The following CNTN5 variants were observed in gnomAD, a reference collection of about 807,000 sequenced individuals.
The protein encoded by CNTN5 is contactin 5.
Under a neutral mutation model 129.1 loss-of-function variants are expected in CNTN5, and 77 were observed. The ratio of observed to expected loss-of-function variants is 0.60; its 90% CI spans 0.50 to 0.72. The LOEUF (loss-of-function observed/expected upper bound fraction) is 0.72. Among genes scored for constraint, CNTN5 ranks in the 30% least tolerant of loss-of-function variants. The pLI is 0.00. For synonymous variants in CNTN5, 509 were observed against 465.6 expected, an observed-to-expected ratio of 1.09 and a Z score of -1.20; for missense variants, 1,478 against 1,328.8, an observed-to-expected ratio of 1.11 and a Z score of -1.75.
chr11:100,257,710 A>C (rs2138733934), intron 17 of CNTN5, among the ~76,000 whole-genome samples: 1 of 152,316 alleles, frequency 6.6e-6, no homozygotes, highest in Admixed American at 6.5e-5. Context: ...GACTATTAGA[A>C]GGAAAACTAA....
At chr11:99,350,637 T>C (rs1261261851) in intron 2 of CNTN5, among the ~76,000 whole-genome samples, 1 of 152,152 alleles carries the variant, frequency 6.6e-6, no homozygotes, top group Non-Finnish European at 1.5e-5. Flanking sequence ...AGGAACAAAC[T>C]ACTGATCATG....
intron 12 of CNTN5, among the ~76,000 whole-genome samples, chr11:100,073,770 C>CT (rs1944020821): frequency 6.6e-6 from 1 of 151,988 alleles, no homozygotes; most frequent in African/African-American, 2.4e-5. Context: ...ACAGGATTGT[C>CT]TTTTTCGCAG....
intron 13 of CNTN5, among the ~76,000 whole-genome samples, chr11:100,184,100 A>G (rs1437997387): frequency 6.6e-6 from 1 of 152,176 alleles, no homozygotes; most frequent in Non-Finnish European, 1.5e-5. Flanking sequence ...CTACTTCCGT[A>G]AATAGCTCAG....
intron 3 of CNTN5, among the ~76,000 whole-genome samples, chr11:99,807,909 A>T (rs554056770): frequency 1.3e-5 from 2 of 152,252 alleles, no homozygotes; most frequent in East Asian, 3.9e-4. Flanking sequence ...AATATTTAAA[A>T]CTAGAATTCA....
chr11:99,125,328 A>G (rs902340995), intron 1 of CNTN5, among the ~76,000 whole-genome samples: 9 of 143,084 alleles, frequency 6.3e-5, no homozygotes, highest in African/African-American at 2.3e-4. Flanking sequence ...AATGTCATTC[A>G]TCACATCAAC....
chr11:100,127,095 ATTTTTTTTTTTTT>A (rs5794039), intron 13 of CNTN5, among the ~76,000 whole-genome samples: 1 of 85,610 alleles, frequency 1.2e-5, no homozygotes, highest in Non-Finnish European at 2.2e-5. Context: ...TGCGCAGCTA[ATTTTTTTTTTTTT>A]TTTTTTTTTT....
chr11:99,795,509 G>A (rs945884305), intron 3 of CNTN5, among the ~76,000 whole-genome samples: 4 of 152,070 alleles, frequency 2.6e-5, no homozygotes, highest in South Asian at 2.1e-4. Flanking sequence ...TTAGTGAGTT[G>A]CCAGATATGT....
chr11:99,941,571 A>ACACACACACACACACACACACACAC (rs140118352), intron 7 of CNTN5, among the ~76,000 whole-genome samples: 202 of 148,360 alleles, frequency 1.4e-3, no homozygotes, highest in South Asian at 3.7e-3. Flanking sequence ...ACATAAGACA[A>ACACACACACACACACACACACACAC]ACACACACAC....
chr11:99,082,717 A>G (rs1865856283), intron 1 of CNTN5, among the ~76,000 whole-genome samples: 1 of 152,210 alleles, frequency 6.6e-6, no homozygotes, highest in Non-Finnish European at 1.5e-5. Flanking sequence ...TATGTGAACT[A>G]TACTTTACGA....
intron 1 of CNTN5, among the ~76,000 whole-genome samples, chr11:99,129,284 T>C (rs1363886331): frequency 2.0e-5 from 3 of 152,084 alleles, no homozygotes; most frequent in Non-Finnish European, 4.4e-5. Context: ...CTGAAGAACA[T>C]AGCACGAGAA....
intron 1 of CNTN5, among the ~76,000 whole-genome samples, chr11:99,270,072 C>T (rs1019599784): frequency 4.0e-5 from 6 of 151,632 alleles, no homozygotes; most frequent in East Asian, 2.0e-4. Flanking sequence ...CAGTCGTGTA[C>T]GTTTGTATCC....
chr11:99,598,086 G>T (rs1386207347), intron 3 of CNTN5, among the ~76,000 whole-genome samples: 1 of 152,062 alleles, frequency 6.6e-6, no homozygotes, highest in Non-Finnish European at 1.5e-5. Context: ...AAAATTCCAT[G>T]TAGGGAATAT....
In CNTN5 at chr11:100,061,394, G is replaced by A. The variant is rs772215026; in HGVS notation, c.1162+1G>A. On this transcript the variant is annotated splice_donor_variant, in intron 10 of 24. Coordinates refer to ENST00000524871, the MANE Select transcript of CNTN5 (RefSeq NM_014361.4). LOFTEE classifies it high-confidence loss of function. ...TTTCGTGGACAATTACAAGTATACA[G>A]TAAGTGTTTTCAGCAAAGCATGATT... 1.3e-6 allele frequency: 2 copies of A among 1,553,052 alleles called. No homozygotes were observed. Among genetic ancestry groups the A allele is most frequent in the South Asian group, 1.2e-5 (1 of 84,310 alleles).
intron 6 of CNTN5, among the ~76,000 whole-genome samples, chr11:99,883,035 C>T (rs1281744971): frequency 1.9e-4 from 29 of 152,178 alleles, no homozygotes; most frequent in Non-Finnish European, 1.5e-5. Context: ...CATGTTGTTG[C>T]AAATGAAATA....
At position 99,819,671 on chromosome 11, in the gene CNTN5, A is replaced by C. The variant is rs775466035; in HGVS notation, c.183A>C (p.Thr61=). 1.9e-6 allele frequency: 3 copies of C among 1,612,974 alleles called. No individual in the cohort carries two copies. The highest frequency in any genetic ancestry group is 2.2e-5 in the South Asian group (2 of 91,088). ...RPRYSSPSLG[T]LSASSPSWLG... is the part of the protein sequence containing the mutation. The stretch of plus-strand genomic sequence containing the variant: ...GATACAGCAGCCCTTCATTAGGAAC[A>C]CTGAGTGCTTCTTCACCCAGCTGGC... The change falls in exon 4 of 25, where the codon ACA becomes ACC. Residue 61 remains threonine (T), a synonymous_variant. Transcript: ENST00000524871.
At position 99,553,510 on chromosome 11, in the gene CNTN5, T is replaced by G. The variant is rs570725608; in HGVS notation, c.-70-2635T>G. On this transcript the variant is annotated intron_variant, in intron 2 of 24. Transcript: ENST00000524871. The stretch of plus-strand genomic sequence containing the variant: ...AAAAAGTTTACATATTTCAGAATCT[T>G]AAATATTATTTCATTTACTTTTTAT... Among the ~76,000 whole-genome samples, 37 of 152,164 alleles carry G rather than the reference T, an allele frequency of 2.4e-4. 2 individuals carry two copies. In the South Asian group the frequency reaches 7.5e-3, roughly 31 times the overall value.
chr11:99,411,667 C>T (rs568585536), intron 2 of CNTN5, among the ~76,000 whole-genome samples: 2 of 152,276 alleles, frequency 1.3e-5, no homozygotes, highest in Non-Finnish European at 2.9e-5. Context: ...GTTTCTACTT[C>T]AAATTACTCC....
intron 13 of CNTN5, among the ~76,000 whole-genome samples, chr11:100,152,510 A>T (rs979054027): frequency 6.6e-6 from 1 of 152,168 alleles, no homozygotes; most frequent in African/African-American, 2.4e-5. Flanking sequence ...GCCTGAAGAA[A>T]GGTGGCCCAT....
intron 1 of CNTN5, among the ~76,000 whole-genome samples, chr11:99,183,672 A>T (rs1591325208): frequency 6.6e-6 from 1 of 151,946 alleles, no homozygotes; most frequent in Non-Finnish European, 1.5e-5. Context: ...CTCTTCCTTG[A>T]CATACCATTT....
Sources: gnomAD v4.1 joint callset for allele counts (sites outside exome capture counted in the v4.1 genomes callset) on GRCh38, gnomAD v4.1.1 for gene constraint, MANE v1.5 for transcripts, NCBI Gene and HGNC (gene_info 2026-07-23, HGNC 2026-07-21) for gene names.